CACNA1A: variants seen among roughly 807,000 people sequenced by gnomAD.
CACNA1A encodes voltage-dependent P/Q-type calcium channel subunit alpha-1A.
A neutral mutation model predicts 262.4 loss-of-function variants in CACNA1A; 57 were observed. That is an observed-to-expected ratio of 0.22 (90% CI 0.18 to 0.27). CACNA1A has a LOEUF of 0.27. CACNA1A is among the 10% of genes least tolerant of loss of function. The pLI is 1.00. For missense variants in CACNA1A, 2,526 were observed against 3,562.8 expected (o/e 0.71, Z 7.41); for synonymous variants, 1,431 against 1,419.3 (o/e 1.01, Z -0.18).
chr19:13,214,236 C>T lies in CACNA1A; in HGVS notation c.5937G>A (p.Glu1979=), dbSNP rs768860392. Residue 1979 remains glutamate, a synonymous_variant, in exon 40 of 47, where the codon GAG becomes GAA. Coordinates refer to ENST00000360228, the MANE Select transcript of CACNA1A (RefSeq NM_001127222.2). This position sits in a 1 kb window ranked among gnomAD's most constrained non-coding sequence, Gnocchi z 4.1. ...CCCAGAGCGGCGAACAGCGCACCTG[C>T]TCCTCGCGCATGGCCTGCAGCTTCT... The part of the protein sequence containing the change: ...KAKKLQAMRE[E]QDRTPLMFQR... The T allele has an allele frequency of 8.7e-6, 14 of 1,607,704 alleles. 1 individual carries two copies. In the Admixed American group the frequency reaches 1.3e-4, roughly 15 times the overall value.
intron 1 of CACNA1A, among the ~76,000 whole-genome samples, chr19:13,492,403 G>C (rs1204742724): frequency 6.6e-6 from 1 of 152,194 alleles, no homozygotes; most frequent in African/African-American, 2.4e-5. Context: ...AATCAAGGGA[G>C]GGCAAGCCTG....
At chr19:13,333,467 C>G (rs1309437068) in intron 8 of CACNA1A, among the ~76,000 whole-genome samples, 1 of 151,532 alleles carries the variant, frequency 6.6e-6, no homozygotes, top group Non-Finnish European at 1.5e-5. Flanking sequence ...CAGAGTCTCA[C>G]TCTGTTGCCC....
chr19:13,477,767 T>C (rs1978729758), intron 1 of CACNA1A, among the ~76,000 whole-genome samples: 2 of 152,222 alleles, frequency 1.3e-5, no homozygotes, highest in South Asian at 4.1e-4. Context: ...CAGTGGCCTC[T>C]GAGTAACACA....
At chr19:13,246,631 G>GTT (rs1001319451) in intron 30 of CACNA1A, among the ~76,000 whole-genome samples, 1 of 143,128 alleles carries the variant, frequency 7.0e-6, no homozygotes, top group Non-Finnish European at 1.5e-5. Context: ...CTCTCTGTTT[G>GTT]TTTTTTTTTT....
chr19:13,469,033 C>T (rs942579007), intron 1 of CACNA1A, among the ~76,000 whole-genome samples: 7 of 152,034 alleles, frequency 4.6e-5, no homozygotes, highest in Non-Finnish European at 8.8e-5. Flanking sequence ...CCCAAGAAGT[C>T]AGGTGAGGTG....
chr19:13,326,254 G>T (rs1026721708), intron 10 of CACNA1A, among the ~76,000 whole-genome samples: 8 of 151,816 alleles, frequency 5.3e-5, no homozygotes, highest in African/African-American at 1.7e-4. Flanking sequence ...GGTGGAGGTT[G>T]CAGTGAGCCG....
At chr19:13,298,501 A>C (rs2057716377) in intron 19 of CACNA1A, 43 bp downstream of exon 19, 1 of 1,475,618 alleles carries the variant, frequency 6.8e-7, no homozygotes, top group Non-Finnish European at 9.2e-7. Flanking sequence ...TGTCATTATT[A>C]ATGTTACCGT....
chr19:13,386,468 G>A (rs577153516), intron 3 of CACNA1A, among the ~76,000 whole-genome samples: 1 of 152,180 alleles, frequency 6.6e-6, no homozygotes, highest in Admixed American at 6.5e-5. Context: ...CTGTCTACGT[G>A]GATGGCTGGG....
chr19:13,320,236 TCGAGAGAG>T (rs1286529780), intron 10 of CACNA1A, among the ~76,000 whole-genome samples: 9 of 73,518 alleles, frequency 1.2e-4, no homozygotes, highest in African/African-American at 4.1e-4. Context: ...GTTCCACAGA[TCGAGAGAG>T]AGAGAGAGAG....
intron 12 of CACNA1A, among the ~76,000 whole-genome samples, chr19:13,309,535 A>AG (rs1395384602): frequency 6.6e-6 from 1 of 151,638 alleles, no homozygotes; most frequent in East Asian, 2.0e-4. Context: ...TTTACAAAAA[A>AG]AAAAAAAATT....
At chr19:13,450,560 A>C (rs1219223100) in intron 3 of CACNA1A, 1 of 152,150 alleles carries the variant, frequency 6.6e-6, no homozygotes, top group Non-Finnish European at 1.5e-5. Flanking sequence ...TCTCAGCTCC[A>C]TGAGGACAGG....
intron 3 of CACNA1A, among the ~76,000 whole-genome samples, chr19:13,376,815 G>GTTA (rs2059421680): frequency 1.0e-5 from 1 of 96,138 alleles, no homozygotes; most frequent in African/African-American, 3.4e-5. Flanking sequence ...TATATGTTAT[G>GTTA]TGTGATATAT....
In CACNA1A at chr19:13,241,456, G is replaced by A. The variant is rs936707418; in HGVS notation, c.4950+3726C>T. 1.3e-5 allele frequency: 15 copies of A among 1,185,798 alleles called. 1 individual carries two copies. The highest frequency in any genetic ancestry group is 9.1e-5 in the African/African-American group (6 of 66,188). 73.5% of individuals were successfully genotyped at this position (1,185,798 alleles called of 1,614,324 possible). On this transcript the variant is annotated intron_variant, in intron 31 of 46. Coordinates refer to ENST00000360228, the MANE Select transcript of CACNA1A (RefSeq NM_001127222.2). This position sits in a 1 kb window ranked among gnomAD's most constrained non-coding sequence, Gnocchi z 4.0. ...GAGGCAGGGTGTGGCATGCAATGCC[G>A]ACGCGAGGAGATGCGTTCACAGTTA...
intron 3 of CACNA1A, among the ~76,000 whole-genome samples, chr19:13,395,273 CAAAAAA>C (rs58840618): frequency 1.1e-5 from 1 of 88,902 alleles, no homozygotes; most frequent in African/African-American, 4.4e-5. Flanking sequence ...GACTCCATCT[CAAAAAA>C]AAAAAAAAAA....
intron 1 of CACNA1A, among the ~76,000 whole-genome samples, chr19:13,456,694 G>C (rs2061015892): frequency 6.6e-6 from 1 of 152,024 alleles, no homozygotes. Context: ...AAAATAAAGA[G>C]AGAACATTTA....
At chr19:13,497,577 T>A (rs8107308) in intron 1 of CACNA1A, among the ~76,000 whole-genome samples, 13,059 of 21,406 alleles carry the variant, frequency 0.61, 4,665 homozygotes, top group East Asian at 0.95. Context: ...TATATATATA[T>A]ATAAATTTAT....
Position 13,207,930 on chromosome 19 carries a change from C to A in CACNA1A, c.6904G>T (p.Val2302Leu). ...TPRPHVSYSP[V>L]IRKAGGSGPP... ...CCCGAGCCGCCGGCCTTACGGATCA[C>A]AGGGGAATAGGACACGTGTGGCCGG... Residue 2302 changes from valine (V) to leucine (L), a missense_variant, in exon 47 of 47, where the codon GTG (valine) becomes TTG (leucine). By Grantham distance (32) the Val-to-Leu change is conservative. Transcript: ENST00000360228. The surrounding 1 kb of genome is among the most constrained non-coding windows in gnomAD (Gnocchi z 5.7). 1 of 1,444,408 alleles carries A rather than the reference C, an allele frequency of 6.9e-7. No homozygotes were observed. The highest frequency in any genetic ancestry group is 9.1e-7 in the Non-Finnish European group (1 of 1,104,882). The allele number at this position is 1,444,408 out of a possible 1,614,324, so 89.5% of individuals were successfully genotyped here.
intron 31 of CACNA1A, among the ~76,000 whole-genome samples, chr19:13,240,684 CTGTG>C: frequency 6.9e-6 from 1 of 145,444 alleles, no homozygotes; most frequent in African/African-American, 2.6e-5. Context: ...TGTGCAGTGT[CTGTG>C]TGCAGTGACT....
intron 1 of CACNA1A, among the ~76,000 whole-genome samples, chr19:13,457,167 C>T (rs889311561): frequency 6.6e-6 from 1 of 151,912 alleles, no homozygotes; most frequent in African/African-American, 2.4e-5. Context: ...GAGAGGATTG[C>T]TTGAGCCCCA....
Sources: gnomAD v4.1 joint callset for allele counts (sites outside exome capture counted in the v4.1 genomes callset) on GRCh38, gnomAD v4.1.1 for gene constraint, Gnocchi (gnomAD v3.1) non-coding constraint, MANE v1.5 for transcripts, NCBI Gene and HGNC (gene_info 2026-07-23, HGNC 2026-07-21) for gene names.